Variants in CCDC142 observed in about 807,000 individuals in gnomAD.
CCDC142 encodes the protein coiled-coil domain containing 142.
A neutral mutation model predicts 83.8 loss-of-function variants in CCDC142; 67 were observed. The observed-to-expected ratio is 0.80, with a 90% CI of 0.66 to 0.98. The LOEUF (loss-of-function observed/expected upper bound fraction) is 0.98. Among genes scored for constraint, CCDC142 ranks in the 50% least tolerant of loss-of-function variants. The pLI, the probability that CCDC142 is intolerant of heterozygous loss-of-function variation, is 0.00. For synonymous variants in CCDC142, 421 were observed against 421.2 expected (o/e 1.00, Z 0.01); for missense variants, 905 against 946.8 (o/e 0.96, Z 0.58).
rs1247699302 is a variant in CCDC142 at position 74,482,206 on chromosome 2, G to A, written c.632C>T (p.Ala211Val). 1 of 1,613,638 alleles carries A rather than the reference G, an allele frequency of 6.2e-7. No individual in the cohort carries two copies. The highest frequency in any genetic ancestry group is 1.7e-5 in the Admixed American group (1 of 60,034). Residue 211 changes from alanine to valine, a missense_variant, in exon 1 of 9, where the codon GCC (alanine) becomes GTC (valine). Physicochemically the swap from Ala to Val is moderately conservative, Grantham distance 64. Around this residue, in one of 3 missense-constraint regions of CCDC142, gnomAD observed 591 missense variants for 571.4 expected, o/e 1.03. Coordinates refer to ENST00000393965, the MANE Select transcript of CCDC142 (RefSeq NM_001365575.2). The surrounding 1 kb of genome is among the most constrained non-coding windows in gnomAD (Gnocchi z 5.0). ...GGCTTTTCTCTGTAGTGTGTGGTAG[G>A]CGGGAAGTGCAAAGAGCAGCTCGGC... ...QLAELLFALP[A>V]YHTLQRKALS...
In CCDC142 at chr2:74,482,249, C is replaced by T; in HGVS notation, c.589G>A (p.Gly197Ser). 1 of 1,613,208 alleles carries T rather than the reference C, an allele frequency of 6.2e-7. No homozygotes were observed. Among genetic ancestry groups the T allele is most frequent in the Non-Finnish European group, 8.5e-7 (1 of 1,179,882 alleles). Residue 197 changes from glycine (G) to serine (S), a missense_variant, in exon 1 of 9, where the codon GGC becomes AGC. Physicochemically the swap from Gly to Ser is moderately conservative, Grantham distance 56. Around this residue, in one of 3 missense-constraint regions of CCDC142, gnomAD observed 591 missense variants for 571.4 expected, o/e 1.03. Transcript: ENST00000393965. This position sits in a 1 kb window ranked among gnomAD's most constrained non-coding sequence, Gnocchi z 5.0. The stretch of plus-strand genomic sequence containing the variant: ...AGCTCGGCGAGTTGGGACGACAGGC[C>T]CGGGCTGGCGGGCTCCCGGCCGAGA... ...RALGREPASP[G>S]LSSQLAELLF...
chr2:74,481,884 G>A lies in CCDC142; in HGVS notation c.954C>T (p.Asp318=), dbSNP rs1301573862. 1 of 1,614,090 alleles carries A rather than the reference G, an allele frequency of 6.2e-7. No homozygotes were observed. Residue 318 remains aspartate, a synonymous_variant, in exon 1 of 9, where the codon GAC becomes GAT. Coordinates refer to ENST00000393965, the MANE Select transcript of CCDC142 (RefSeq NM_001365575.2). ...GGTCCCTCCAGGGTCCCAGATTTAG[G>A]TCCAGACTCTGAGCACAGGCTGCCC... ...LLWAACAQSL[D]LNLGPWRDPR...
chr2:74,475,024 G>C lies in CCDC142; in HGVS notation c.1888C>G (p.Gln630Glu). The change falls in exon 8 of 9, where the codon CAG becomes GAG. Residue 630 changes from glutamine (Q) to glutamate (E), a missense_variant. By Grantham distance (29) the Gln-to-Glu change is conservative. Coordinates refer to ENST00000393965, the MANE Select transcript of CCDC142 (RefSeq NM_001365575.2). Reference protein sequence around the residue: ...EQWSLSPDLRQTLLMLSIFQQ... With the variant: ...EQWSLSPDLRETLLMLSIFQQ... ...AAGATGCTGAGCATGAGCAGGGTCT[G>C]GCGGAGATCAGGGGACAGGCTCCAC... 1 of 1,614,090 alleles carries C rather than the reference G, an allele frequency of 6.2e-7. No individual in the cohort carries two copies.
intron 2 of CCDC142, 21 bp from the exon 3 acceptor site, chr2:74,481,393 T>C: frequency 6.2e-7 from 1 of 1,614,016 alleles, no homozygotes; most frequent in Non-Finnish European, 8.5e-7. Context: ...GAGAGTATAG[T>C]GTGGTGGGGA....
chr2:74,481,246 C>T lies in CCDC142; in HGVS notation c.1235G>A (p.Arg412Gln), dbSNP rs377118822. The stretch of plus-strand genomic sequence containing the variant: ...ACCTGCAGGCTGGCAGAAAATCCGT[C>T]GTAACCTGGGCTCTCGAAGGGCATC... ...LLDALREPRLRRIFCQPADPA... is the reference protein window; with the variant it reads ...LLDALREPRLQRIFCQPADPA... The change falls in exon 3 of 9, where the codon CGA becomes CAA. Residue 412 changes from arginine to glutamine, a missense_variant. Coordinates refer to ENST00000393965, the MANE Select transcript of CCDC142 (RefSeq NM_001365575.2). The T allele has an allele frequency of 5.8e-5, 93 of 1,614,064 alleles. No homozygotes were observed. Among genetic ancestry groups the T allele is most frequent in the African/African-American group, 1.5e-4 (11 of 75,036 alleles).
chr2:74,478,445 C>T (rs1019678220), intron 5 of CCDC142, among the ~76,000 whole-genome samples: 5 of 151,584 alleles, frequency 3.3e-5, no homozygotes, highest in East Asian at 1.9e-4. Context: ...GGCGCTATCT[C>T]GGCTCACTGC....
At position 74,482,208 on chromosome 2, in the gene CCDC142, G is replaced by A. The variant is rs1267948243; in HGVS notation, c.630C>T (p.Pro210=). The stretch of plus-strand genomic sequence containing the variant: ...CTTTTCTCTGTAGTGTGTGGTAGGC[G>A]GGAAGTGCAAAGAGCAGCTCGGCGA... ...SQLAELLFAL[P]AYHTLQRKAL... Residue 210 remains proline, a synonymous_variant, in exon 1 of 9, where the codon CCC becomes CCT. Coordinates refer to ENST00000393965, the MANE Select transcript of CCDC142 (RefSeq NM_001365575.2). This position sits in a 1 kb window ranked among gnomAD's most constrained non-coding sequence, Gnocchi z 5.0. 2.5e-6 allele frequency: 4 copies of A among 1,613,614 alleles called. No homozygotes were observed. In the East Asian group the frequency reaches 6.7e-5, roughly 27 times the overall value.
Position 74,482,972 on chromosome 2 carries a change from T to C in CCDC142, c.-135A>G, listed in dbSNP as rs17009971. On this transcript the variant is annotated 5_prime_UTR_variant, in exon 1 of 9. Coordinates refer to ENST00000393965, the MANE Select transcript of CCDC142 (RefSeq NM_001365575.2). This position sits in a 1 kb window ranked among gnomAD's most constrained non-coding sequence, Gnocchi z 5.0. ...GAGTCGCGGGGACCTTCATGGACTC[T>C]CTCGTGCTCCGTAATGGGAGGCTTC... The C allele has an allele frequency of 7.8e-3, 12,243 of 1,566,318 alleles. 835 individuals carry two copies. The African/African-American group carries it at 0.15, about 19-fold the overall frequency.
Position 74,473,056 on chromosome 2 carries a change from C to G in CCDC142, c.*1490G>C. 1 of 276,396 alleles carries G rather than the reference C, an allele frequency of 3.6e-6. No homozygotes were observed. 17.1% of individuals were successfully genotyped at this position (276,396 alleles called of 1,614,324 possible). ...CCTGGCTTCTTCCAAAGAGAGAGCA[C>G]TAACACAAGCCGGGATGATCCACAC... is the stretch of plus-strand genomic sequence containing the variant. On this transcript the variant is annotated 3_prime_UTR_variant, in exon 9 of 9. Coordinates refer to ENST00000393965, the MANE Select transcript of CCDC142 (RefSeq NM_001365575.2).
chr2:74,481,648 G>T, intron 1 of CCDC142, 110 bp from the exon 2 acceptor site: 1 of 1,371,146 alleles, frequency 7.3e-7, no homozygotes, highest in Non-Finnish European at 1.0e-6. Flanking sequence ...CTCGGGACTG[G>T]GGTGGAAAGC....
chr2:74,481,392 G>A lies in CCDC142; in HGVS notation c.1109-20C>T, dbSNP rs752848574. On this transcript the variant is annotated intron_variant, in intron 2 of 8. Transcript: ENST00000393965. ...AGAAACCTGAGGATGAGAGAGTATA[G>A]TGTGGTGGGGAAGCGGTAACCTGGG... is the stretch of plus-strand genomic sequence containing the variant. 1 of 1,614,042 alleles carries A rather than the reference G, an allele frequency of 6.2e-7. No individual in the cohort carries two copies. Among genetic ancestry groups the A allele is most frequent in the South Asian group, 1.1e-5 (1 of 91,078 alleles).
chr2:74,480,800 A>C lies in CCDC142; in HGVS notation c.1472T>G (p.Leu491Arg). ...LALEVEQQLGLEIQKLTAQIQ... is the reference protein window; with the variant it reads ...LALEVEQQLGREIQKLTAQIQ... The stretch of plus-strand genomic sequence containing the variant: ...CTGTGCAGTCAGCTTCTGGATCTCC[A>C]GGCCCAGCTGCTGCTCCACTTCCAG... Residue 491 changes from leucine to arginine, a missense_variant, in exon 5 of 9, where the codon CTG becomes CGG. Physicochemically the swap from Leu to Arg is moderately radical, Grantham distance 102. Transcript: ENST00000393965. The C allele has an allele frequency of 6.2e-7, 1 of 1,613,582 alleles. No individual in the cohort carries two copies. Among genetic ancestry groups the C allele is most frequent in the Admixed American group, 1.7e-5 (1 of 60,006 alleles).
In CCDC142 at chr2:74,472,841, C is replaced by T. The variant is rs1558570538; in HGVS notation, c.*1705G>A. 1.5e-6 allele frequency: 1 copy of T among 657,318 alleles called. No individual in the cohort carries two copies. The highest frequency in any genetic ancestry group is 2.6e-6 in the Non-Finnish European group (1 of 383,874). The allele number at this position is 657,318 out of a possible 1,614,324, so 40.7% of individuals were successfully genotyped here. ...GCAGGAAAGAAAGAGGTGGTTTCGG[C>T]ACAACGCATGGGGGAGCCCAAAGTA... On this transcript the variant is annotated 3_prime_UTR_variant, in exon 9 of 9. Transcript: ENST00000393965.
At chr2:74,476,669 C>T (rs976473932) in intron 5 of CCDC142, among the ~76,000 whole-genome samples, 2 of 152,130 alleles carry the variant, frequency 1.3e-5, no homozygotes, top group African/African-American at 4.8e-5. Flanking sequence ...CAAGAAAAGG[C>T]CTATATGCTG....
chr2:74,479,011 G>C (rs1672387703), intron 5 of CCDC142, among the ~76,000 whole-genome samples: 1 of 145,976 alleles, frequency 6.9e-6, no homozygotes, highest in Non-Finnish European at 1.5e-5. Context: ...GGGTGACAGA[G>C]TGAGACACCT....
At chr2:74,474,889 A>G in intron 8 of CCDC142, 27 bp downstream of exon 8, 1 of 1,580,846 alleles carries the variant, frequency 6.3e-7, no homozygotes, top group Non-Finnish European at 8.6e-7. Flanking sequence ...GGACACACAA[A>G]GCAGTGAGCG....
At position 74,482,438 on chromosome 2, in the gene CCDC142, G is replaced by T. The variant is rs1443622690; in HGVS notation, c.400C>A (p.Pro134Thr). The change falls in exon 1 of 9, where the codon CCT becomes ACT. Residue 134 changes from proline to threonine, a missense_variant. Physicochemically the swap from Pro to Thr is conservative, Grantham distance 38. Transcript: ENST00000393965. This position sits in a 1 kb window ranked among gnomAD's most constrained non-coding sequence, Gnocchi z 5.0. ...TLSPGSPSGGPSPLPQWCRDL... is the reference protein window; with the variant it reads ...TLSPGSPSGGTSPLPQWCRDL... Reference sequence around the variant, plus strand: ...CGGCACCACTGGGGCAAGGGGCTAGGGCCGCCGGATGGCGAGCCAGGACTC... The same window carrying T: ...CGGCACCACTGGGGCAAGGGGCTAGTGCCGCCGGATGGCGAGCCAGGACTC... The T allele has an allele frequency of 6.4e-7, 1 of 1,554,906 alleles. No individual in the cohort carries two copies. The highest frequency in any genetic ancestry group is 8.7e-7 in the Non-Finnish European group (1 of 1,149,086).
chr2:74,472,998 C>T lies in CCDC142; in HGVS notation c.*1548G>A. On this transcript the variant is annotated 3_prime_UTR_variant, in exon 9 of 9. Coordinates refer to ENST00000393965, the MANE Select transcript of CCDC142 (RefSeq NM_001365575.2). ...GCAGCCTTTCCCCTTCTGTACCCTG[C>T]TGGGCCACATCTAGGCTAACTCGAT... 2.6e-6 allele frequency: 1 copy of T among 384,832 alleles called. No homozygotes were observed. The highest frequency in any genetic ancestry group is 4.8e-6 in the Non-Finnish European group (1 of 206,266). 23.8% of individuals were successfully genotyped at this position (384,832 alleles called of 1,614,324 possible). A position where few individuals can be genotyped will look rare whatever the true frequency, so the allele number is the denominator to read the frequency against.
rs1368887160 is a variant in CCDC142, at chr2:74,481,451, C to A, written c.1108+1G>T. 3 of 1,614,152 alleles carry A rather than the reference C, an allele frequency of 1.9e-6. 1 individual carries two copies. Among genetic ancestry groups the A allele is most frequent in the Non-Finnish European group, 8.5e-7 (1 of 1,180,030 alleles). On this transcript the variant is annotated splice_donor_variant, in intron 2 of 8. Coordinates refer to ENST00000393965, the MANE Select transcript of CCDC142 (RefSeq NM_001365575.2). LOFTEE classifies it high-confidence loss of function. ...CACCCCCAGTGCCCCTTCCTTCTCA[C>A]CTTGGTCCCAGCTCCAGATAAGCGA...
Sources: allele counts gnomAD v4.1 joint callset (sites outside exome capture counted in the v4.1 genomes callset), GRCh38; gene constraint gnomAD v4.1.1; regional missense constraint gnomAD v4.1.1; non-coding constraint Gnocchi (gnomAD v3.1); transcripts MANE v1.5; gene names NCBI Gene and HGNC (gene_info 2026-07-23, HGNC 2026-07-21).